Variants in XKR9 observed in about 807,000 individuals in gnomAD.
XKR9 encodes XK related 9, also known as XK-related protein 9.
XKR9 carries 32 observed loss-of-function variants against 32.0 expected under a neutral mutation model. The observed-to-expected ratio is 1.00, with a 90% confidence interval of 0.76 to 1.34. The LOEUF (loss-of-function observed/expected upper bound fraction) is 1.34. Ranked by LOEUF, XKR9 falls within the 40% of genes most tolerant of loss-of-function variation. The probability of loss-of-function intolerance (pLI) is 0.00; values close to 1 mark genes in which losing one functional copy is unlikely to be tolerated. For synonymous variants in XKR9, 168 were observed against 143.4 expected, an observed-to-expected ratio of 1.17 and a Z score of -1.22; for missense variants, 546 against 429.7, an observed-to-expected ratio of 1.27 and a Z score of -2.39.
chr8:70,901,383 T>G, the XKR9 span, among the ~76,000 whole-genome samples: 1 of 152,208 alleles, frequency 6.6e-6, no homozygotes, highest in African/African-American at 2.4e-5. Context: ...TCATTGTGGT[T>G]TTGATTTGCA....
intron 2 of XKR9, among the ~76,000 whole-genome samples, chr8:70,745,327 T>C (rs1302510199): frequency 6.6e-6 from 1 of 152,226 alleles, no homozygotes; most frequent in Non-Finnish European, 1.5e-5. Flanking sequence ...TTGGGCTTTT[T>C]CTAGATTATT....
At chr8:70,776,923 T>TTCTTTC (rs1554556844) in intron 2 of XKR9, among the ~76,000 whole-genome samples, 4 of 59,624 alleles carry the variant, frequency 6.7e-5, no homozygotes, top group African/African-American at 2.9e-4. Context: ...TTCTCTTTCT[T>TTCTTTC]TCTCTCTCTC....
At chr8:70,883,123 C>G in the XKR9 span, among the ~76,000 whole-genome samples, 9 of 151,000 alleles carry the variant, frequency 6.0e-5, no homozygotes, top group Non-Finnish European at 1.2e-4. Context: ...TGTTCCTCAC[C>G]CCCCTTCCCA....
At chr8:70,869,768 G>A in the XKR9 span, among the ~76,000 whole-genome samples, 1 of 152,180 alleles carries the variant, frequency 6.6e-6, no homozygotes, top group Non-Finnish European at 1.5e-5. Context: ...ACTGGTAAGG[G>A]CACACAGTAC....
At chr8:71,054,252 T>TAA in the XKR9 span, among the ~76,000 whole-genome samples, 6 of 149,552 alleles carry the variant, frequency 4.0e-5, no homozygotes, top group African/African-American at 1.2e-4. Flanking sequence ...AGTCTGAAGG[T>TAA]AAAAAAAAAA....
At chr8:70,943,096 C>G in the XKR9 span, among the ~76,000 whole-genome samples, 1 of 152,246 alleles carries the variant, frequency 6.6e-6, no homozygotes, top group African/African-American at 2.4e-5. Context: ...GAAGAAAAAG[C>G]TTTCCTTGGA....
chr8:70,918,847 G>A, the XKR9 span, among the ~76,000 whole-genome samples: 1,225 of 124,730 alleles, frequency 9.8e-3, 8 homozygotes, highest in Admixed American at 0.022. Flanking sequence ...GCGCTGTCTC[G>A]GCTCACTGCA....
chr8:70,993,248 A>C, the XKR9 span, among the ~76,000 whole-genome samples: 1 of 152,184 alleles, frequency 6.6e-6, no homozygotes, highest in Non-Finnish European at 1.5e-5. Flanking sequence ...ACAGATAATC[A>C]AACACTTTTT....
chr8:70,856,499 C>T, the XKR9 span, among the ~76,000 whole-genome samples: 1 of 152,118 alleles, frequency 6.6e-6, no homozygotes, highest in East Asian at 1.9e-4. Flanking sequence ...TACAAAGAGA[C>T]TTAGACTCCC....
In XKR9 at chr8:70,734,695, A is replaced by G. The variant is rs1351667603; in HGVS notation, c.*271A>G. On this transcript the variant is annotated 3_prime_UTR_variant, in exon 5 of 5. Coordinates refer to ENST00000408926, the MANE Select transcript of XKR9 (RefSeq NM_001011720.2). Reference sequence around the variant, plus strand: ...GAAATGGTCTGGTTTTCATAATGAGAAGGCTGGAATTGAGCTTCCCTCCCA... The same window carrying G: ...GAAATGGTCTGGTTTTCATAATGAGGAGGCTGGAATTGAGCTTCCCTCCCA... The G allele has an allele frequency of 1.2e-5, 3 of 244,040 alleles. No individual in the cohort carries two copies. The highest frequency in any genetic ancestry group is 2.4e-4 in the East Asian group (2 of 8,472). 15.1% of individuals were successfully genotyped at this position (244,040 alleles called of 1,614,324 possible).
the XKR9 span, among the ~76,000 whole-genome samples, chr8:70,873,705 G>T: frequency 1.3e-5 from 2 of 152,208 alleles, no homozygotes; most frequent in African/African-American, 4.8e-5. Flanking sequence ...TACTGGTGAA[G>T]ATGCTGTAAA....
the XKR9 span, among the ~76,000 whole-genome samples, chr8:70,854,054 T>A: frequency 6.6e-6 from 1 of 151,466 alleles, no homozygotes; most frequent in Non-Finnish European, 1.5e-5. Context: ...GTAATGGGAT[T>A]GCTGGGTCAA....
chr8:70,829,953 A>G, the XKR9 span, among the ~76,000 whole-genome samples: 3 of 152,144 alleles, frequency 2.0e-5, no homozygotes, highest in Non-Finnish European at 4.4e-5. Context: ...ATTTATTTGT[A>G]AAAGTGCTAA....
At chr8:70,715,372 A>G (rs1840881) in intron 4 of XKR9, among the ~76,000 whole-genome samples, 11,049 of 152,204 alleles carry the variant, frequency 0.073, 484 homozygotes, top group Non-Finnish European at 0.089. Context: ...TGCAATTAAA[A>G]TGTCTTATTT....
the XKR9 span, among the ~76,000 whole-genome samples, chr8:71,024,185 A>G: frequency 1.3e-5 from 2 of 152,166 alleles, no homozygotes; most frequent in Non-Finnish European, 2.9e-5. Flanking sequence ...ATCAGGGTGC[A>G]TGCAAGTGCA....
intron 3 of XKR9, among the ~76,000 whole-genome samples, chr8:70,692,052 T>TTTTTC (rs1323314520): frequency 6.6e-6 from 1 of 152,178 alleles, no homozygotes; most frequent in East Asian, 1.9e-4. Context: ...TGATGGGATT[T>TTTTTC]TTTTCATTTG....
At chr8:70,977,065 A>G in the XKR9 span, among the ~76,000 whole-genome samples, 1 of 150,116 alleles carries the variant, frequency 6.7e-6, no homozygotes, top group Admixed American at 6.6e-5. Flanking sequence ...GGTTGTGAGA[A>G]CCCCTTCATT....
At chr8:71,032,610 T>C in the XKR9 span, among the ~76,000 whole-genome samples, 11 of 152,272 alleles carry the variant, frequency 7.2e-5, no homozygotes, top group Admixed American at 2.0e-4. Flanking sequence ...ACCCAGGCCC[T>C]TTCCTTGAAG....
intron 2 of XKR9, among the ~76,000 whole-genome samples, chr8:70,759,186 C>G (rs1240941116): frequency 6.6e-6 from 1 of 152,050 alleles, no homozygotes; most frequent in African/African-American, 2.4e-5. Context: ...ATTTTCTTGC[C>G]AAATGTTTTC....
Sources: gnomAD v4.1 joint callset for allele counts (sites outside exome capture counted in the v4.1 genomes callset) on GRCh38, gnomAD v4.1.1 for gene constraint, MANE v1.5 for transcripts, NCBI Gene and HGNC (gene_info 2026-07-23, HGNC 2026-07-21) for gene names.